The following SDAD1 variants were observed in gnomAD, a reference collection of about 807,000 sequenced individuals.
SDAD1 encodes protein SDA1 homolog.
A neutral mutation model predicts 100.3 loss-of-function variants in SDAD1; 79 were observed. That is an observed-to-expected ratio of 0.79 (90% CI 0.66 to 0.95). SDAD1 has a LOEUF of 0.95. SDAD1 is among the 40% of genes least tolerant of loss of function. The pLI is 0.00. For synonymous variants in SDAD1, 267 were observed against 271.4 expected (o/e 0.98, Z 0.16); for missense variants, 790 against 810.9 (o/e 0.97, Z 0.31).
intron 6 of SDAD1, 132 bp from the exon 7 acceptor site, chr4:75,974,265 A>G: frequency 1.3e-6 from 1 of 741,716 alleles, no homozygotes; most frequent in Non-Finnish European, 2.3e-6. Context: ...AATATTTTAA[A>G]AAGATACGAG....
intron 4 of SDAD1, among the ~76,000 whole-genome samples, chr4:75,976,553 C>T (rs1025548731): frequency 6.6e-6 from 1 of 152,046 alleles, no homozygotes; most frequent in East Asian, 1.9e-4. Context: ...CTGGTGATTA[C>T]CTAGAGCTAA....
chr4:75,982,952 C>A (rs189709258), intron 1 of SDAD1, among the ~76,000 whole-genome samples: 2,073 of 152,110 alleles, frequency 0.014, 40 homozygotes, highest in African/African-American at 0.045. Context: ...CCTAGCCCCC[C>A]ACCCCAACAG....
intron 8 of SDAD1, among the ~76,000 whole-genome samples, chr4:75,972,384 A>G (rs937567797): frequency 1.3e-5 from 2 of 150,870 alleles, no homozygotes; most frequent in African/African-American, 2.4e-5. Flanking sequence ...TAATACTCAC[A>G]GTGAAGGTCC....
chr4:75,961,870 T>C (rs1242822524), intron 14 of SDAD1, among the ~76,000 whole-genome samples: 1 of 138,074 alleles, frequency 7.2e-6, no homozygotes, highest in East Asian at 1.9e-4. Flanking sequence ...GCCACTGTAA[T>C]GGTTTAAAGA....
At position 75,961,074 on chromosome 4, in the gene SDAD1, T is replaced by C; in HGVS notation, c.1310A>G (p.His437Arg). The change falls in exon 16 of 22, where the codon CAC (histidine) becomes CGC (arginine). Residue 437 changes from histidine (H) to arginine (R), a missense_variant. By Grantham distance (29) the His-to-Arg change is conservative. Transcript: ENST00000356260. ...NVMMSARTLI[H>R]LFRTLNPQML... Reference sequence around the variant, plus strand: ...CTGAGGATTCAGTGTTCGGAAGAGGTGAATCAAAGTTCTAGCAGACATCAT... The same window carrying C: ...CTGAGGATTCAGTGTTCGGAAGAGGCGAATCAAAGTTCTAGCAGACATCAT... The C allele has an allele frequency of 6.2e-7, 1 of 1,614,068 alleles. No homozygotes were observed. The highest frequency in any genetic ancestry group is 1.1e-5 in the South Asian group (1 of 91,072).
chr4:75,955,905 C>A (rs145103627), intron 21 of SDAD1, 70 bp downstream of exon 21: 1 of 1,503,510 alleles, frequency 6.7e-7, no homozygotes, highest in Non-Finnish European at 8.9e-7. Context: ...GGCGCAAGTC[C>A]GTCTCAAATG....
At chr4:75,969,448 T>G (rs1446437675) in intron 10 of SDAD1, 49 bp from the exon 11 acceptor site, 1 of 1,242,574 alleles carries the variant, frequency 8.0e-7, no homozygotes. Context: ...ATGGTCTATG[T>G]GACATTTATG....
At chr4:75,976,309 ATAACT>A (rs1277825593) in intron 4 of SDAD1, among the ~76,000 whole-genome samples, 1 of 152,242 alleles carries the variant, frequency 6.6e-6, no homozygotes, top group East Asian at 1.9e-4. Flanking sequence ...AAAAGTGGAA[ATAACT>A]TAAATTTCCA....
At chr4:75,968,641 AAAC>A (rs1729687836) in intron 11 of SDAD1, among the ~76,000 whole-genome samples, 1 of 152,220 alleles carries the variant, frequency 6.6e-6, no homozygotes, top group South Asian at 2.1e-4. Flanking sequence ...AAGAAGAGTT[AAAC>A]AAACAGTGAG....
intron 2 of SDAD1, chr4:75,981,672 C>A: frequency 1.1e-6 from 1 of 911,380 alleles, no homozygotes; most frequent in South Asian, 1.6e-5. Flanking sequence ...ATATTTATGG[C>A]ATGATTTAGT....
chr4:75,965,560 C>T (rs1729490131), intron 13 of SDAD1, among the ~76,000 whole-genome samples: 1 of 152,164 alleles, frequency 6.6e-6, no homozygotes, highest in Non-Finnish European at 1.5e-5. Context: ...AACCTGCCGA[C>T]ATGTGATGTC....
rs550467105 is a variant in SDAD1 at position 75,973,402 on chromosome 4, A to G, written c.637-11T>C. The G allele has an allele frequency of 1.9e-6, 3 of 1,606,950 alleles. No individual in the cohort carries two copies. Among genetic ancestry groups the G allele is most frequent in the African/African-American group, 2.7e-5 (2 of 74,926 alleles). On this transcript the variant is annotated splice_polypyrimidine_tract_variant and intron_variant, in intron 7 of 21. Coordinates refer to ENST00000356260, the MANE Select transcript of SDAD1 (RefSeq NM_018115.4). ...AGCGGCAACTAATATCTAAACACCA[A>G]TGAGAAAAAAGTCAGCTACTTGATT...
At chr4:75,967,220 T>C in intron 12 of SDAD1, 57 bp downstream of exon 12, 6 of 1,500,942 alleles carry the variant, frequency 4.0e-6, no homozygotes, top group Non-Finnish European at 5.6e-6. Context: ...ACAAAAGACT[T>C]TGCATGTTTA....
rs1474568403 is a variant in SDAD1 at position 75,957,694 on chromosome 4, G to A, written c.1593C>T (p.Asn531=). ...EEQQEISKKL[N]SMPMEERKAK... Reference sequence around the variant, plus strand: ...CCTTCCGCTCCTCCATGGGCATGCTGTTCAGCTTCTTGGACTTGAAACCAC... The same window carrying A: ...CCTTCCGCTCCTCCATGGGCATGCTATTCAGCTTCTTGGACTTGAAACCAC... The change falls in exon 19 of 22, where the codon AAC becomes AAT. Residue 531 remains asparagine (N), a synonymous_variant. Coordinates refer to ENST00000356260, the MANE Select transcript of SDAD1 (RefSeq NM_018115.4). 25 of 1,614,058 alleles carry A rather than the reference G, an allele frequency of 1.5e-5. No individual in the cohort carries two copies. The highest frequency in any genetic ancestry group is 1.7e-5 in the Non-Finnish European group (20 of 1,180,024).
chr4:75,960,990 CCA>C, intron 16 of SDAD1, 36 bp downstream of exon 16: 1 of 1,558,136 alleles, frequency 6.4e-7, no homozygotes, highest in Non-Finnish European at 8.8e-7. Context: ...GTTTGTGAGA[CCA>C]TAACCTTTAG....
chr4:75,971,437 C>T lies in SDAD1; in HGVS notation c.733G>A (p.Asp245Asn). Residue 245 changes from aspartate to asparagine, a missense_variant, in exon 9 of 22, where the codon GAC becomes AAC. Physicochemically the swap from Asp to Asn is conservative, Grantham distance 23. Transcript: ENST00000356260. The part of the protein sequence containing the change: ...ESEDDGPTAR[D>N]LLVQYATGKK... ...CCTGTAGCATATTGTACTAGCAGGT[C>T]TCTTGCTGTTGGTCCATCATCCTAA... The T allele has an allele frequency of 6.2e-7, 1 of 1,613,142 alleles. No homozygotes were observed. The highest frequency in any genetic ancestry group is 8.5e-7 in the Non-Finnish European group (1 of 1,179,498).
At chr4:75,974,154 C>T in intron 6 of SDAD1, 21 bp from the exon 7 acceptor site, 1 of 1,603,662 alleles carries the variant, frequency 6.2e-7, no homozygotes, top group Middle Eastern at 1.7e-4. Flanking sequence ...ACAATGAATG[C>T]TTTGAAGTAA....
chr4:75,979,326 T>C (rs891537597), intron 3 of SDAD1, among the ~76,000 whole-genome samples: 1 of 152,152 alleles, frequency 6.6e-6, no homozygotes. Flanking sequence ...GGTAGAAAGA[T>C]AGCCCAGTGG....
chr4:75,955,802 G>A (rs1728856397), intron 21 of SDAD1, among the ~76,000 whole-genome samples, 173 bp downstream of exon 21: 1 of 152,098 alleles, frequency 6.6e-6, no homozygotes, highest in Non-Finnish European at 1.5e-5. Flanking sequence ...ACCTCTCCAT[G>A]CTCTCCAGCA....
Sources: allele counts gnomAD v4.1 joint callset (sites outside exome capture counted in the v4.1 genomes callset), GRCh38; gene constraint gnomAD v4.1.1; transcripts MANE v1.5; gene names NCBI Gene and HGNC (gene_info 2026-07-23, HGNC 2026-07-21).